The following HSPA4L variants were observed in gnomAD, a reference collection of about 807,000 sequenced individuals.
HSPA4L encodes the protein heat shock protein family A (Hsp70) member 4 like.
A neutral mutation model predicts 100.3 loss-of-function variants in HSPA4L; 48 were observed. The ratio of observed to expected loss-of-function variants is 0.48; its 90% CI spans 0.38 to 0.61. HSPA4L has a LOEUF of 0.61. Ranked by LOEUF, HSPA4L falls within the 20% of genes least tolerant of loss-of-function variation. HSPA4L has a pLI of 0.00. For missense variants in HSPA4L, 886 were observed against 988.6 expected, an observed-to-expected ratio of 0.90 and a Z score of 1.39; for synonymous variants, 319 against 328.2, an observed-to-expected ratio of 0.97 and a Z score of 0.30.
intron 1 of HSPA4L, 140 bp downstream of exon 1, chr4:127,782,797 A>G: frequency 3.2e-6 from 2 of 619,034 alleles, no homozygotes; most frequent in Non-Finnish European, 5.5e-6. Flanking sequence ...CAACCCGTCA[A>G]CCGCAGTCCC....
At chr4:127,783,647 A>G in intron 1 of HSPA4L, 1 of 1,535,590 alleles carries the variant, frequency 6.5e-7, no homozygotes, top group Non-Finnish European at 8.7e-7. Flanking sequence ...GAGGAAACCA[A>G]CTGTATGAAA....
At chr4:127,798,494 A>G in intron 3 of HSPA4L, 93 bp from the exon 4 acceptor site, 1 of 1,238,066 alleles carries the variant, frequency 8.1e-7, no homozygotes, top group Non-Finnish European at 1.1e-6. Flanking sequence ...TCTTTTTCCC[A>G]TTGTATGTCT....
intron 11 of HSPA4L, among the ~76,000 whole-genome samples, chr4:127,810,086 CATCTTCTATAAACATCA>C (rs1733482548): frequency 1.3e-5 from 2 of 151,810 alleles, no homozygotes; most frequent in Admixed American, 6.6e-5. Context: ...TTCTATAAAC[CATCTTCTATAAACATCA>C]TTATAAATGA....
At chr4:127,809,254 T>C (rs1245097670) in intron 11 of HSPA4L, 6 of 1,403,154 alleles carry the variant, frequency 4.3e-6, no homozygotes, top group East Asian at 2.3e-5. Flanking sequence ...AGACTACTTA[T>C]GCAGAACCAG....
chr4:127,823,944 GA>G (rs1234915076), intron 16 of HSPA4L, among the ~76,000 whole-genome samples: 1 of 152,126 alleles, frequency 6.6e-6, no homozygotes, highest in African/African-American at 2.4e-5. Flanking sequence ...ATGTACAATA[GA>G]TCTCTTGGAC....
At chr4:127,821,179 A>T (rs1015780814) in intron 14 of HSPA4L, among the ~76,000 whole-genome samples, 2 of 152,132 alleles carry the variant, frequency 1.3e-5, no homozygotes, top group African/African-American at 4.8e-5. Flanking sequence ...TTGCTTTTGT[A>T]GTACCTACCT....
chr4:127,797,744 G>A (rs1733064651), intron 3 of HSPA4L, among the ~76,000 whole-genome samples: 1 of 151,852 alleles, frequency 6.6e-6, no homozygotes, highest in South Asian at 2.1e-4. Flanking sequence ...TGGGATTACA[G>A]GCACCTGCCA....
chr4:127,782,344 G>A lies in HSPA4L; in HGVS notation c.-207G>A, dbSNP rs1732579547. On this transcript the variant is annotated 5_prime_UTR_variant, in exon 1 of 19. Coordinates refer to ENST00000296464, the MANE Select transcript of HSPA4L (RefSeq NM_014278.4). ...CGCAGTAGGGAAAGACCCAGGCTGC[G>A]GGACGCGGTGCAGGCTGCGGCGCTG... 1.1e-5 allele frequency: 6 copies of A among 555,172 alleles called. No individual in the cohort carries two copies. Among genetic ancestry groups the A allele is most frequent in the East Asian group, 9.5e-5 (3 of 31,668 alleles). 34.4% of individuals were successfully genotyped at this position (555,172 alleles called of 1,614,324 possible). A position where few individuals can be genotyped will look rare whatever the true frequency, so the allele number is the denominator to read the frequency against.
rs756202442 is a variant in HSPA4L at position 127,801,121 on chromosome 4, T to C, written c.430-17T>C. On this transcript the variant is annotated splice_polypyrimidine_tract_variant and intron_variant, in intron 4 of 18. Coordinates refer to ENST00000296464, the MANE Select transcript of HSPA4L (RefSeq NM_014278.4). ...TTACATAAAACATTATACTTAACTG[T>C]TGTTTTTAAATACTAGATTCCTAGC... The C allele has an allele frequency of 3.8e-6, 6 of 1,565,026 alleles. No homozygotes were observed. The South Asian group carries it at 6.8e-5, about 18-fold the overall frequency.
Position 127,795,888 on chromosome 4 carries a change from A to T in HSPA4L, c.286A>T (p.Asn96Tyr), listed in dbSNP as rs201383324. The T allele has an allele frequency of 6.2e-7, 1 of 1,613,652 alleles. No individual in the cohort carries two copies. The change falls in exon 3 of 19, where the codon AAT becomes TAT. Residue 96 changes from asparagine to tyrosine, a missense_variant. Asn to Tyr is a moderately radical substitution (Grantham distance 143, BLOSUM62 -2). Transcript: ENST00000296464. Reference protein sequence around the residue: ...RLPYELQKMPNGSAGVKVRYL... With the variant: ...RLPYELQKMPYGSAGVKVRYL... ...TCCCTATGAACTGCAGAAAATGCCT[A>T]ATGGAAGTGCAGGAGTTAAGGTAAG... is the stretch of plus-strand genomic sequence containing the variant.
chr4:127,814,889 T>C (rs1317350869), intron 12 of HSPA4L, among the ~76,000 whole-genome samples: 1 of 152,196 alleles, frequency 6.6e-6, no homozygotes, highest in African/African-American at 2.4e-5. Context: ...TGGTTCTCTC[T>C]AGGATTTTTC....
chr4:127,827,543 C>A, intron 17 of HSPA4L, 119 bp downstream of exon 17: 1 of 1,145,704 alleles, frequency 8.7e-7, no homozygotes, highest in South Asian at 1.8e-5. Flanking sequence ...ATTCCAGAGA[C>A]TTTGTGTACC....
rs1481896101 is a variant in HSPA4L at position 127,838,377 on chromosome 4, A to G, written c.*5503A>G. ...CAACATATTGTTAGAGTAAGTATTA[A>G]AAGAAAAAGTAGGTTTGCTGAAAAA... is the stretch of plus-strand genomic sequence containing the variant. On this transcript the variant is annotated 3_prime_UTR_variant, in exon 19 of 19. Transcript: ENST00000296464. The G allele has an allele frequency of 1.3e-5, 2 of 152,234 alleles. No homozygotes were observed. Among genetic ancestry groups the G allele is most frequent in the African/African-American group, 4.8e-5 (2 of 41,462 alleles). The allele number at this position is 152,234 out of a possible 1,614,324, so 9.4% of individuals were successfully genotyped here.
At chr4:127,826,264 G>C (rs557314692) in intron 16 of HSPA4L, among the ~76,000 whole-genome samples, 4 of 152,102 alleles carry the variant, frequency 2.6e-5, no homozygotes, top group African/African-American at 9.6e-5. Flanking sequence ...AATTAGCCAG[G>C]CACAGTGGTA....
rs773292680 is a variant in HSPA4L at position 127,827,290 on chromosome 4, T to G, written c.2047-15T>G. Reference sequence around the variant, plus strand: ...TCAAAAATTTTTCTTCTTTAAAAATTTCTTATGTTAACAGAAATACGGCCA... The same window carrying G: ...TCAAAAATTTTTCTTCTTTAAAAATGTCTTATGTTAACAGAAATACGGCCA... On this transcript the variant is annotated splice_polypyrimidine_tract_variant and intron_variant, in intron 16 of 18. Coordinates refer to ENST00000296464, the MANE Select transcript of HSPA4L (RefSeq NM_014278.4). The G allele has an allele frequency of 4.4e-5, 71 of 1,597,208 alleles. No individual in the cohort carries two copies. Among genetic ancestry groups the G allele is most frequent in the Admixed American group, 1.2e-4 (7 of 57,156 alleles).
chr4:127,796,476 A>C (rs1363681728), intron 3 of HSPA4L, among the ~76,000 whole-genome samples: 1 of 152,140 alleles, frequency 6.6e-6, no homozygotes, highest in Non-Finnish European at 1.5e-5. Context: ...GCTTATACTC[A>C]AGGGAATTGA....
At chr4:127,819,139 G>C (rs1733747465) in intron 13 of HSPA4L, among the ~76,000 whole-genome samples, 1 of 151,966 alleles carries the variant, frequency 6.6e-6, no homozygotes. Flanking sequence ...TAATTATTTT[G>C]TTGCATATCA....
Position 127,807,744 on chromosome 4 carries a change from G to A in HSPA4L, c.1245-252G>A, listed in dbSNP as rs540316941. On this transcript the variant is annotated intron_variant, in intron 10 of 18. Transcript: ENST00000296464. Reference sequence around the variant, plus strand: ...CATACACATTGGCCTTAAAATATACGTATTCTCAGGTAATTTTTCTCTTTT... The same window carrying A: ...CATACACATTGGCCTTAAAATATACATATTCTCAGGTAATTTTTCTCTTTT... Among the ~76,000 whole-genome samples the A allele has an allele frequency of 2.1e-3, 323 of 152,118 alleles. 1 individual carries two copies. Among genetic ancestry groups the A allele is most frequent in the Non-Finnish European group, 3.3e-3 (226 of 67,952 alleles).
At chr4:127,824,062 T>G (rs1266981472) in intron 16 of HSPA4L, among the ~76,000 whole-genome samples, 1 of 152,180 alleles carries the variant, frequency 6.6e-6, no homozygotes, top group African/African-American at 2.4e-5. Context: ...AGAGCTTACC[T>G]TTTTTAGATT....
Sources: gnomAD v4.1 joint callset for allele counts (sites outside exome capture counted in the v4.1 genomes callset) on GRCh38, gnomAD v4.1.1 for gene constraint, MANE v1.5 for transcripts, NCBI Gene and HGNC (gene_info 2026-07-23, HGNC 2026-07-21) for gene names.